Variants in KHDRBS2 observed in about 807,000 individuals in gnomAD.
KHDRBS2 encodes KH RNA binding domain containing, signal transduction associated 2.
Under a neutral mutation model 44.3 loss-of-function variants are expected in KHDRBS2, and 26 were observed. The ratio of observed to expected loss-of-function variants is 0.59; its 90% confidence interval spans 0.43 to 0.81. The LOEUF is 0.81. Among genes scored for constraint, KHDRBS2 ranks in the 40% least tolerant of loss-of-function variants. The pLI is 0.00. For synonymous variants in KHDRBS2, 194 were observed against 151.1 expected (o/e 1.28, Z -2.08); for missense variants, 476 against 433.1 (o/e 1.10, Z -0.88).
intron 6 of KHDRBS2, among the ~76,000 whole-genome samples, chr6:61,848,517 ATG>A (rs1491463063): frequency 0.12 from 6,453 of 55,818 alleles, 802 homozygotes; most frequent in African/African-American, 0.19. Flanking sequence ...ATATGTATAT[ATG>A]TATATATATA....
At chr6:61,715,987 T>G (rs1053285319) in intron 7 of KHDRBS2, among the ~76,000 whole-genome samples, 16 of 151,974 alleles carry the variant, frequency 1.1e-4, no homozygotes, top group Non-Finnish European at 1.9e-4. Context: ...GGCTACATTT[T>G]TTTTTCCATT....
At chr6:61,564,435 C>A in the KHDRBS2 span, among the ~76,000 whole-genome samples, 2 of 152,064 alleles carry the variant, frequency 1.3e-5, no homozygotes, top group African/African-American at 2.4e-5. Context: ...ACATGGCCCA[C>A]ATTTACATAA....
chr6:62,229,914 C>A lies in KHDRBS2; in HGVS notation c.92-52602G>T, dbSNP rs751835230. 1.4e-4 allele frequency among the ~76,000 whole-genome samples: 21 copies of A among 152,304 alleles called. No individual in the cohort carries two copies. The South Asian group carries it at 1.5e-3, about 11-fold the overall frequency. On this transcript the variant is annotated intron_variant, in intron 1 of 8. Coordinates refer to ENST00000281156, the MANE Select transcript of KHDRBS2 (RefSeq NM_152688.4). ...TGATGGTTCTTTTTGATGGGAGCCT[C>A]CAATCTCTGCTGCTTCTAATGGGCC... is the stretch of plus-strand genomic sequence containing the variant.
At chr6:61,983,199 A>G (rs1309118) in intron 3 of KHDRBS2, among the ~76,000 whole-genome samples, 90,540 of 122,358 alleles carry the variant, frequency 0.74, 31,945 homozygotes, top group African/African-American at 0.8. Context: ...AGTTTTTTTC[A>G]TTTTCTTTCT....
intron 3 of KHDRBS2, among the ~76,000 whole-genome samples, chr6:62,041,720 A>T (rs1399954047): frequency 6.6e-6 from 1 of 152,104 alleles, no homozygotes; most frequent in Non-Finnish European, 1.5e-5. Flanking sequence ...GGTCTTAATT[A>T]CAAAAATTAA....
intron 6 of KHDRBS2, chr6:61,817,088 AG>A (rs1475114467): frequency 1.0e-5 from 4 of 395,872 alleles, no homozygotes; most frequent in African/African-American, 8.3e-5. Flanking sequence ...CTTTCCACAA[AG>A]CAATCACATT....
chr6:61,677,336 CT>C (rs1766001887), downstream of KHDRBS2, among the ~76,000 whole-genome samples: 1 of 151,854 alleles, frequency 6.6e-6, no homozygotes, highest in East Asian at 2.0e-4. Context: ...TCTTTTTCCT[CT>C]TGCTTTACAA....
chr6:61,922,076 T>C (rs1223276182), intron 4 of KHDRBS2, among the ~76,000 whole-genome samples: 3 of 152,046 alleles, frequency 2.0e-5, no homozygotes, highest in Non-Finnish European at 4.4e-5. Flanking sequence ...GATTTTCTCC[T>C]TTTTGAATTG....
At chr6:61,579,799 T>C in the KHDRBS2 span, among the ~76,000 whole-genome samples, 2 of 151,868 alleles carry the variant, frequency 1.3e-5, no homozygotes, top group Non-Finnish European at 2.9e-5. Flanking sequence ...GGCTCATGCC[T>C]GTAATCCCAG....
At chr6:62,055,971 G>T (rs1400633763) in intron 2 of KHDRBS2, among the ~76,000 whole-genome samples, 1 of 151,954 alleles carries the variant, frequency 6.6e-6, no homozygotes, top group Non-Finnish European at 1.5e-5. Flanking sequence ...CAAACTTCCA[G>T]TCTGTGATCA....
At chr6:61,969,824 C>CTTA (rs1202845677) in intron 4 of KHDRBS2, among the ~76,000 whole-genome samples, 2 of 151,708 alleles carry the variant, frequency 1.3e-5, no homozygotes, top group East Asian at 3.9e-4. Flanking sequence ...TTTATTCTGA[C>CTTA]TTAAATAAAG....
intron 3 of KHDRBS2, among the ~76,000 whole-genome samples, chr6:62,034,336 T>C (rs1784869802): frequency 6.6e-6 from 1 of 151,812 alleles, no homozygotes; most frequent in South Asian, 2.1e-4. Context: ...ATAAGCCCAG[T>C]ACCCTGATAC....
intron 1 of KHDRBS2, among the ~76,000 whole-genome samples, chr6:62,205,840 T>C (rs1281641495): frequency 2.0e-5 from 3 of 152,084 alleles, no homozygotes; most frequent in Non-Finnish European, 4.4e-5. Flanking sequence ...TACTTTGTGA[T>C]TATATTAACT....
At chr6:62,109,369 A>C (rs1299238707) in intron 2 of KHDRBS2, among the ~76,000 whole-genome samples, 1 of 152,022 alleles carries the variant, frequency 6.6e-6, no homozygotes, top group African/African-American at 2.4e-5. Context: ...GAGCATCTTC[A>C]AAAATTCTAT....
intron 6 of KHDRBS2, among the ~76,000 whole-genome samples, chr6:61,875,216 G>A (rs1799245557): frequency 6.6e-6 from 1 of 151,614 alleles, no homozygotes; most frequent in South Asian, 2.1e-4. Context: ...GAGAGAGAGT[G>A]GTGTTGAAAA....
intron 1 of KHDRBS2, among the ~76,000 whole-genome samples, chr6:62,187,144 T>C (rs1181768403): frequency 2.6e-5 from 4 of 152,138 alleles, no homozygotes; most frequent in Non-Finnish European, 5.9e-5. Flanking sequence ...GTGCAAAGAA[T>C]TGCTCAAGTG....
chr6:61,690,095 C>CT (rs1034715210), intron 8 of KHDRBS2, among the ~76,000 whole-genome samples: 2 of 151,814 alleles, frequency 1.3e-5, no homozygotes, highest in Non-Finnish European at 2.9e-5. Flanking sequence ...CGTATTTTGT[C>CT]TTTTTTTCTT....
At chr6:62,170,836 G>A (rs1562995235) in intron 2 of KHDRBS2, among the ~76,000 whole-genome samples, 1 of 151,884 alleles carries the variant, frequency 6.6e-6, no homozygotes, top group East Asian at 1.9e-4. Context: ...AGAGCATGTA[G>A]CCCAGGAGTG....
chr6:61,845,957 T>C (rs1358253162), intron 6 of KHDRBS2, among the ~76,000 whole-genome samples: 1 of 152,192 alleles, frequency 6.6e-6, no homozygotes, highest in African/African-American at 2.4e-5. Context: ...TCAGCTCCAT[T>C]CTCTAGGTGC....
Sources: gnomAD v4.1 joint callset for allele counts (sites outside exome capture counted in the v4.1 genomes callset) on GRCh38, gnomAD v4.1.1 for gene constraint, MANE v1.5 for transcripts, NCBI Gene and HGNC (gene_info 2026-07-23, HGNC 2026-07-21) for gene names.